Variants in SPIRE2 observed in about 807,000 individuals in gnomAD.
The protein encoded by SPIRE2 is spire type actin nucleation factor 2.
Under a neutral mutation model 80.7 loss-of-function variants are expected in SPIRE2, and 76 were observed. The ratio of observed to expected loss-of-function variants is 0.94; its 90% CI spans 0.78 to 1.14. The LOEUF (loss-of-function observed/expected upper bound fraction) is 1.14. SPIRE2 is among the 50% of genes most tolerant of loss of function. The probability of loss-of-function intolerance (pLI) is 0.00; values close to 1 mark genes in which losing one functional copy is unlikely to be tolerated. For synonymous variants in SPIRE2, 535 were observed against 432.6 expected (o/e 1.24, Z -2.94); for missense variants, 1,196 against 1,015.3 (o/e 1.18, Z -2.42).
chr16:89,842,230 T>G (rs1007380352), intron 1 of SPIRE2, among the ~76,000 whole-genome samples: 8 of 134,656 alleles, frequency 5.9e-5, no homozygotes, highest in African/African-American at 1.3e-4. Flanking sequence ...TTTTTTTTTT[T>G]GTGACGGAGT....
rs371711349 is a variant in SPIRE2, at chr16:89,863,467, G to A, written c.1576-9G>A. 193 of 1,613,860 alleles carry A rather than the reference G, an allele frequency of 1.2e-4. No homozygotes were observed. The African/African-American group carries it at 2.1e-3, about 18-fold the overall frequency. ...CATAGAAGACTTCCTACCTGAGGCC[G>A]TCCCCTAGGAGTTCAGCCACCCCGT... On this transcript the variant is annotated splice_polypyrimidine_tract_variant and intron_variant, in intron 10 of 14. Coordinates refer to ENST00000378247, the MANE Select transcript of SPIRE2 (RefSeq NM_032451.2). The surrounding 1 kb of genome is among the most constrained non-coding windows in gnomAD (Gnocchi z 4.3).
intron 7 of SPIRE2, among the ~76,000 whole-genome samples, chr16:89,857,177 C>T (rs148244446): frequency 0.013 from 1,867 of 143,774 alleles, 28 homozygotes; most frequent in African/African-American, 0.045. Flanking sequence ...CACTCTGTCA[C>T]CCCGGCTGTA....
Position 89,860,717 on chromosome 16 carries a change from C to A in SPIRE2, c.1497C>A (p.His499Gln). ...TCPASVSDPS[H>Q]PLLSNRGSSG... ...CCGCGAGTGTCTCTGACCCCAGCCA[C>A]CCCCTACTCAGCAACCGGGGCTCCT... Residue 499 changes from histidine to glutamine, a missense_variant, in exon 10 of 15, where the codon CAC becomes CAA. Transcript: ENST00000378247. The A allele has an allele frequency of 2.5e-6, 4 of 1,592,436 alleles. No individual in the cohort carries two copies. The highest frequency in any genetic ancestry group is 1.7e-5 in the Admixed American group (1 of 57,230).
chr16:89,840,607 T>C (rs2041496868), intron 1 of SPIRE2, among the ~76,000 whole-genome samples: 1 of 149,496 alleles, frequency 6.7e-6, no homozygotes, highest in East Asian at 2.0e-4. Flanking sequence ...AAGTTGGAGA[T>C]GGTTTGCATA....
At chr16:89,867,509 C>T (rs2041800686) in intron 12 of SPIRE2, among the ~76,000 whole-genome samples, 1 of 151,722 alleles carries the variant, frequency 6.6e-6, no homozygotes, top group African/African-American at 2.4e-5. Flanking sequence ...GTATGTGACC[C>T]ATCATGGCTT....
rs780058715 is a variant in SPIRE2 at position 89,850,254 on chromosome 16, C to T, written c.289-50C>T. The T allele has an allele frequency of 1.2e-5, 19 of 1,542,974 alleles. No individual in the cohort carries two copies. In the Admixed American group the frequency reaches 2.8e-4, roughly 22 times the overall value. Reference sequence around the variant, plus strand: ...CTGCACCCACCAGCCGCGTTCTCCCCGCCCCACCCCCCTGCAGTACCGCCC... The same window carrying T: ...CTGCACCCACCAGCCGCGTTCTCCCTGCCCCACCCCCCTGCAGTACCGCCC... On this transcript the variant is annotated intron_variant, in intron 2 of 14. Coordinates refer to ENST00000378247, the MANE Select transcript of SPIRE2 (RefSeq NM_032451.2).
intron 10 of SPIRE2, chr16:89,861,856 C>T (rs1597223104): frequency 6.6e-6 from 1 of 152,262 alleles, no homozygotes; most frequent in African/African-American, 2.4e-5. Context: ...TGGCGTCCCC[C>T]AGAGCACGTG....
rs201171675 is a variant in SPIRE2, at chr16:89,836,818, GA to G, written c.244+8038del. On this transcript the variant is annotated intron_variant, in intron 1 of 14. Coordinates refer to ENST00000378247, the MANE Select transcript of SPIRE2 (RefSeq NM_032451.2). ...AACATGGAGAAACCCCGTCTCTACTGAAAAAAAAAAAAAAGAAAAAAAGAAA... is the reference window on the plus strand; with the variant it reads ...AACATGGAGAAACCCCGTCTCTACTGAAAAAAAAAAAAAGAAAAAAAGAAA... Among the ~76,000 whole-genome samples the G allele has an allele frequency of 4.3e-3, 550 of 127,582 alleles. 2 individuals carry two copies. The highest frequency in any genetic ancestry group is 7.6e-3 in the African/African-American group (263 of 34,542). The allele number at this position is 127,582 out of a possible 152,430, so 83.7% of individuals were successfully genotyped here. A position where few individuals can be genotyped will look rare whatever the true frequency, so the allele number is the denominator to read the frequency against.
intron 2 of SPIRE2, 37 bp from the exon 3 acceptor site, chr16:89,850,267 T>G (rs371106324): frequency 6.5e-7 from 1 of 1,546,358 alleles, no homozygotes; most frequent in Non-Finnish European, 8.8e-7. Flanking sequence ...CCCACCCCCC[T>G]GCAGTACCGC....
chr16:89,855,969 G>C, intron 6 of SPIRE2, 144 bp from the exon 7 acceptor site: 1 of 1,404,918 alleles, frequency 7.1e-7, no homozygotes, highest in Non-Finnish European at 9.5e-7. Flanking sequence ...CTCCCTCCGG[G>C]TGGGCCTGGC....
rs1191465093 is a variant in SPIRE2 at position 89,871,079 on chromosome 16, C to G, written c.*807C>G. 1.3e-5 allele frequency: 2 copies of G among 151,402 alleles called. No homozygotes were observed. The highest frequency in any genetic ancestry group is 2.4e-5 in the African/African-American group (1 of 41,184). 9.4% of individuals were successfully genotyped at this position (151,402 alleles called of 1,614,324 possible). On this transcript the variant is annotated 3_prime_UTR_variant, in exon 15 of 15. Coordinates refer to ENST00000378247, the MANE Select transcript of SPIRE2 (RefSeq NM_032451.2). Reference sequence around the variant, plus strand: ...CCAGCCTGGGCGACAGAGCGAGACTCTGTCTCGAAAAAAAAAAAGGTCCGT... The same window carrying G: ...CCAGCCTGGGCGACAGAGCGAGACTGTGTCTCGAAAAAAAAAAAGGTCCGT...
At chr16:89,841,332 T>C (rs2041503796) in intron 1 of SPIRE2, among the ~76,000 whole-genome samples, 1 of 152,158 alleles carries the variant, frequency 6.6e-6, no homozygotes, top group African/African-American at 2.4e-5. Context: ...AGCATGGCAC[T>C]AATAGACTTG....
chr16:89,846,313 C>G (rs2041559281), intron 2 of SPIRE2: 1 of 145,334 alleles, frequency 6.9e-6, no homozygotes, highest in Admixed American at 7.2e-5. Context: ...AGTTCTGAGC[C>G]ACTGTGCCTG....
intron 1 of SPIRE2, chr16:89,836,311 G>T: frequency 2.2e-6 from 1 of 453,772 alleles, no homozygotes; most frequent in South Asian, 1.6e-5. Flanking sequence ...ATGCTCACAG[G>T]TTCTGGGGTT....
intron 3 of SPIRE2, among the ~76,000 whole-genome samples, chr16:89,851,931 T>C (rs993240838): frequency 6.6e-6 from 1 of 151,992 alleles, no homozygotes; most frequent in Non-Finnish European, 1.5e-5. Context: ...CTCTGAGCCT[T>C]TGCAGGTGGT....
At chr16:89,838,982 G>C (rs543887510) in intron 1 of SPIRE2, among the ~76,000 whole-genome samples, 3 of 150,700 alleles carry the variant, frequency 2.0e-5, no homozygotes, top group Non-Finnish European at 4.4e-5. Flanking sequence ...TATCTGCCTC[G>C]GCCTCCCAAA....
intron 1 of SPIRE2, among the ~76,000 whole-genome samples, chr16:89,832,040 GC>G (rs767528147): frequency 1.4e-4 from 21 of 152,200 alleles, no homozygotes; most frequent in Non-Finnish European, 2.6e-4. Context: ...TCCATCCCGC[GC>G]CGTGCTGATG....
At position 89,863,684 on chromosome 16, in the gene SPIRE2, A is replaced by G. The variant is rs868843794; in HGVS notation, c.1710+74A>G. 1.9e-6 allele frequency: 3 copies of G among 1,612,416 alleles called. No homozygotes were observed. The highest frequency in any genetic ancestry group is 2.7e-5 in the African/African-American group (2 of 74,916). ...GCGGGTGCCGAGAGGGCCAGTTCCC[A>G]GGACTGTTTGCTCATGATCTGGTTG... is the stretch of plus-strand genomic sequence containing the variant. On this transcript the variant is annotated intron_variant, in intron 11 of 14. Coordinates refer to ENST00000378247, the MANE Select transcript of SPIRE2 (RefSeq NM_032451.2). This position sits in a 1 kb window ranked among gnomAD's most constrained non-coding sequence, Gnocchi z 4.3.
At chr16:89,848,834 C>T (rs1011544348) in intron 2 of SPIRE2, among the ~76,000 whole-genome samples, 26 of 147,634 alleles carry the variant, frequency 1.8e-4, no homozygotes, top group African/African-American at 5.0e-4. Context: ...GGGCCTTCTG[C>T]GGCTTTTTTG....
Sources: allele counts gnomAD v4.1 joint callset (sites outside exome capture counted in the v4.1 genomes callset), GRCh38; gene constraint gnomAD v4.1.1; non-coding constraint Gnocchi (gnomAD v3.1); transcripts MANE v1.5; gene names NCBI Gene and HGNC (gene_info 2026-07-23, HGNC 2026-07-21).